The following KHDRBS2 variants were observed in gnomAD, a reference collection of about 807,000 sequenced individuals.
The protein encoded by KHDRBS2 is KH domain-containing, RNA-binding, signal transduction-associated protein 2.
Under a neutral mutation model 44.3 loss-of-function variants are expected in KHDRBS2, and 26 were observed. The ratio of observed to expected loss-of-function variants is 0.59; its 90% CI spans 0.43 to 0.81. The LOEUF is 0.81. Among genes scored for constraint, KHDRBS2 ranks in the 40% least tolerant of loss-of-function variants. The pLI, the probability that KHDRBS2 is intolerant of heterozygous loss-of-function variation, is 0.00. For missense variants in KHDRBS2, 476 were observed against 433.1 expected, an observed-to-expected ratio of 1.10 and a Z score of -0.88; for synonymous variants, 194 against 151.1, an observed-to-expected ratio of 1.28 and a Z score of -2.08.
the KHDRBS2 span, among the ~76,000 whole-genome samples, chr6:61,633,024 T>C: frequency 1.3e-5 from 2 of 152,076 alleles, no homozygotes; most frequent in African/African-American, 4.8e-5. Flanking sequence ...AGCAACCTAG[T>C]ATTTGAGAAA....
chr6:61,793,559 A>C (rs1039312902), intron 6 of KHDRBS2, among the ~76,000 whole-genome samples: 6 of 152,124 alleles, frequency 3.9e-5, no homozygotes, highest in Non-Finnish European at 8.8e-5. Context: ...ACAAAACTGT[A>C]ATGCTTTATT....
intron 6 of KHDRBS2, among the ~76,000 whole-genome samples, chr6:61,875,994 C>T (rs1461914055): frequency 1.3e-5 from 2 of 151,940 alleles, no homozygotes; most frequent in African/African-American, 2.4e-5. Flanking sequence ...ATATTTAAAA[C>T]AATGTCATAG....
At chr6:62,056,372 C>T (rs1461521945) in intron 2 of KHDRBS2, among the ~76,000 whole-genome samples, 1 of 151,812 alleles carries the variant, frequency 6.6e-6, no homozygotes. Context: ...CTACTATGAA[C>T]ACATGCCTAT....
At chr6:61,907,580 TG>T (rs756357814) in intron 4 of KHDRBS2, among the ~76,000 whole-genome samples, 1 of 152,196 alleles carries the variant, frequency 6.6e-6, no homozygotes, top group Non-Finnish European at 1.5e-5. Flanking sequence ...ATTTTATTTT[TG>T]TATATGGTTA....
chr6:62,279,077 G>C (rs1167494885), intron 1 of KHDRBS2, among the ~76,000 whole-genome samples: 2 of 152,048 alleles, frequency 1.3e-5, no homozygotes, highest in African/African-American at 4.8e-5. Context: ...CTGGGTGACA[G>C]AGCCAGACTC....
intron 3 of KHDRBS2, among the ~76,000 whole-genome samples, chr6:61,998,498 C>T (rs906343234): frequency 5.3e-5 from 8 of 151,992 alleles, no homozygotes; most frequent in African/African-American, 1.9e-4. Context: ...ATGAAATGGG[C>T]CAAACATGCC....
At chr6:61,913,543 C>A (rs1199608213) in intron 4 of KHDRBS2, among the ~76,000 whole-genome samples, 1 of 151,218 alleles carries the variant, frequency 6.6e-6, no homozygotes, top group Admixed American at 6.6e-5. Flanking sequence ...AACAAATATG[C>A]TTGCTTATTT....
intron 4 of KHDRBS2, among the ~76,000 whole-genome samples, chr6:61,967,750 T>G (rs1464695727): frequency 6.6e-6 from 1 of 151,730 alleles, no homozygotes; most frequent in Non-Finnish European, 1.5e-5. Flanking sequence ...CACAGTTCTC[T>G]GTGAGGCTCT....
chr6:62,167,758 A>G (rs1306824034), intron 2 of KHDRBS2, among the ~76,000 whole-genome samples: 1 of 152,178 alleles, frequency 6.6e-6, no homozygotes, highest in Non-Finnish European at 1.5e-5. Context: ...GCTGTAAGCT[A>G]CAGAGTGGCT....
rs116548963 is a variant in KHDRBS2, at chr6:61,753,379, C to G, written c.811-20615G>C. On this transcript the variant is annotated intron_variant, in intron 6 of 8. Coordinates refer to ENST00000281156, the MANE Select transcript of KHDRBS2 (RefSeq NM_152688.4). ...ATTAGCTTAGGTCACAGGACTTGACCGGTGGTGGTACCCCCACCCCCCCAA... is the reference window on the plus strand; with the variant it reads ...ATTAGCTTAGGTCACAGGACTTGACGGGTGGTGGTACCCCCACCCCCCCAA... 8.3e-3 allele frequency among the ~76,000 whole-genome samples: 1,265 copies of G among 152,184 alleles called. 17 individuals are homozygous for G. Among genetic ancestry groups the G allele is most frequent in the African/African-American group, 0.028 (1,182 of 41,520 alleles).
chr6:62,165,308 T>A (rs1411148455), intron 2 of KHDRBS2, among the ~76,000 whole-genome samples: 31 of 150,382 alleles, frequency 2.1e-4, no homozygotes, highest in Non-Finnish European at 4.0e-4. Context: ...GACACAGAAT[T>A]TTTTTTGGTG....
At chr6:61,801,931 G>A (rs918093224) in intron 6 of KHDRBS2, among the ~76,000 whole-genome samples, 3 of 152,158 alleles carry the variant, frequency 2.0e-5, no homozygotes, top group African/African-American at 7.2e-5. Flanking sequence ...AGGTAGGTCT[G>A]AACTGATCAT....
chr6:61,663,376 T>G, the KHDRBS2 span, among the ~76,000 whole-genome samples: 11 of 147,098 alleles, frequency 7.5e-5, no homozygotes, highest in South Asian at 2.2e-3. Context: ...ATTGTGCACA[T>G]GTACCCTAAA....
At chr6:61,651,076 G>C in the KHDRBS2 span, among the ~76,000 whole-genome samples, 1 of 152,002 alleles carries the variant, frequency 6.6e-6, no homozygotes, top group African/African-American at 2.4e-5. Context: ...GATGGTGACA[G>C]AAATAATAAT....
intron 4 of KHDRBS2, among the ~76,000 whole-genome samples, chr6:61,936,376 C>A (rs759124725): frequency 3.3e-5 from 5 of 152,010 alleles, no homozygotes; most frequent in African/African-American, 9.7e-5. Flanking sequence ...GGCTGCTCCA[C>A]ATTCTCTCTC....
intron 6 of KHDRBS2, among the ~76,000 whole-genome samples, chr6:61,890,878 G>C (rs1182422257): frequency 6.6e-6 from 1 of 152,132 alleles, no homozygotes; most frequent in African/African-American, 2.4e-5. Flanking sequence ...TTTAAATATT[G>C]ATAGTTGATG....
chr6:62,143,687 G>T (rs1027674002), intron 2 of KHDRBS2, among the ~76,000 whole-genome samples: 2 of 55,276 alleles, frequency 3.6e-5, no homozygotes, highest in African/African-American at 3.2e-4. Context: ...CTAAGTCTCA[G>T]ATTATTATTT....
intron 6 of KHDRBS2, among the ~76,000 whole-genome samples, chr6:61,815,573 C>T (rs1788784882): frequency 1.3e-5 from 2 of 152,114 alleles, no homozygotes; most frequent in Admixed American, 6.6e-5. Flanking sequence ...TTGGGATTAT[C>T]TCTAGGATCA....
At chr6:62,107,078 G>C (rs1407600469) in intron 2 of KHDRBS2, among the ~76,000 whole-genome samples, 1 of 151,876 alleles carries the variant, frequency 6.6e-6, no homozygotes, top group Non-Finnish European at 1.5e-5. Flanking sequence ...ACATAGTGTT[G>C]GAAGTTCTGG....
Sources: allele counts gnomAD v4.1 joint callset (sites outside exome capture counted in the v4.1 genomes callset), GRCh38; gene constraint gnomAD v4.1.1; transcripts MANE v1.5; gene names NCBI Gene and HGNC (gene_info 2026-07-23, HGNC 2026-07-21).